Variants in SDK1 observed in about 807,000 individuals in gnomAD.
SDK1 encodes sidekick cell adhesion molecule 1.
A neutral mutation model predicts 245.5 loss-of-function variants in SDK1; 157 were observed. The ratio of observed to expected loss-of-function variants is 0.64; its 90% confidence interval spans 0.56 to 0.73. SDK1 has a LOEUF of 0.73. Among genes scored for constraint, SDK1 ranks in the 30% least tolerant of loss-of-function variants. The pLI, the probability that SDK1 is intolerant of heterozygous loss-of-function variation, is 0.00. For synonymous variants in SDK1, 1,647 were observed against 1,278.5 expected (o/e 1.29, Z -6.15); for missense variants, 3,583 against 3,002.3 (o/e 1.19, Z -4.52).
At chr7:3,605,275 A>G (rs1433792652) in intron 1 of SDK1, among the ~76,000 whole-genome samples, 2 of 152,254 alleles carry the variant, frequency 1.3e-5, no homozygotes, top group African/African-American at 4.8e-5. Context: ...TTAGGCTGTC[A>G]GGAAGTTTTT....
chr7:3,762,099 A>G (rs1379466172), intron 4 of SDK1, among the ~76,000 whole-genome samples: 1 of 152,232 alleles, frequency 6.6e-6, no homozygotes, highest in East Asian at 1.9e-4. Context: ...TTTACACTGA[A>G]TGATTCAGGA....
In SDK1 at chr7:3,319,878, C is replaced by CTTTTTTTTTTTTTTTTTTTTTTTTTTTT. The variant is rs57770805; in HGVS notation, c.298+18011_298+18012insTTTTTTTTTTTTTTTTTTTTTTTTTTTT. On this transcript the variant is annotated intron_variant, in intron 1 of 44. Coordinates refer to ENST00000404826, the MANE Select transcript of SDK1 (RefSeq NM_152744.4). ...TGCCTATATCTAACCCATTCTTAGT[C>CTTTTTTTTTTTTTTTTTTTTTTTTTTTT]TTTTTTTTTTTTTTTTTGCATTTGC... Among the ~76,000 whole-genome samples, 121 of 88,100 alleles carry CTTTTTTTTTTTTTTTTTTTTTTTTTTTT rather than the reference C, an allele frequency of 1.4e-3. 15 individuals are homozygous for CTTTTTTTTTTTTTTTTTTTTTTTTTTTT. Among genetic ancestry groups the CTTTTTTTTTTTTTTTTTTTTTTTTTTTT allele is most frequent in the African/African-American group, 1.8e-3 (40 of 21,732 alleles). The allele number at this position is 88,100 out of a possible 152,430, so 57.8% of individuals were successfully genotyped here. A position where few individuals can be genotyped will look rare whatever the true frequency, so the allele number is the denominator to read the frequency against.
chr7:3,484,164 C>T (rs947137332), intron 1 of SDK1, among the ~76,000 whole-genome samples: 19 of 152,156 alleles, frequency 1.2e-4, no homozygotes, highest in Non-Finnish European at 2.5e-4. Context: ...GAAGCATGCT[C>T]CAGTCCACAG....
chr7:3,811,526 A>G (rs948437485), intron 4 of SDK1, among the ~76,000 whole-genome samples: 2 of 152,214 alleles, frequency 1.3e-5, no homozygotes, highest in South Asian at 2.1e-4. Flanking sequence ...CTGAGCTCAC[A>G]TCTTCTTTGG....
chr7:3,449,966 G>A (rs1266765249), intron 1 of SDK1, among the ~76,000 whole-genome samples: 1 of 152,214 alleles, frequency 6.6e-6, no homozygotes, highest in Non-Finnish European at 1.5e-5. Flanking sequence ...AAATCAGACT[G>A]GCTGTTGGGG....
At chr7:4,203,616 A>G (rs116402519) in intron 35 of SDK1, among the ~76,000 whole-genome samples, 5,108 of 152,208 alleles carry the variant, frequency 0.034, 105 homozygotes, top group South Asian at 0.045. Context: ...ACGAACGACA[A>G]TCAGATGCTC....
At chr7:3,914,568 G>T (rs1042287898) in intron 5 of SDK1, among the ~76,000 whole-genome samples, 2 of 152,294 alleles carry the variant, frequency 1.3e-5, no homozygotes, top group East Asian at 1.9e-4. Context: ...TAAAAAGCAC[G>T]CTGAAACCAT....
At chr7:3,934,663 C>G (rs1334486351) in intron 5 of SDK1, among the ~76,000 whole-genome samples, 1 of 152,244 alleles carries the variant, frequency 6.6e-6, no homozygotes, top group Non-Finnish European at 1.5e-5. Flanking sequence ...TATCACGTGC[C>G]TTCCAGGAAT....
chr7:3,367,625 G>C (rs1423524361), intron 1 of SDK1, among the ~76,000 whole-genome samples: 1 of 152,168 alleles, frequency 6.6e-6, no homozygotes, highest in African/African-American at 2.4e-5. Context: ...CATAGTCTGT[G>C]GACAGATTTG....
chr7:4,085,903 G>T (rs1029196499), intron 22 of SDK1, among the ~76,000 whole-genome samples: 4 of 152,042 alleles, frequency 2.6e-5, no homozygotes, highest in Admixed American at 2.0e-4. Context: ...TAATTCTTGA[G>T]GATATAACTC....
intron 22 of SDK1, among the ~76,000 whole-genome samples, chr7:4,080,167 C>A (rs962095078): frequency 5.3e-5 from 8 of 151,958 alleles, no homozygotes; most frequent in Non-Finnish European, 1.2e-4. Flanking sequence ...GGGAGCAAGC[C>A]CTGCGGTGGC....
chr7:4,199,959 G>T (rs1427906361), intron 35 of SDK1, among the ~76,000 whole-genome samples: 1 of 152,166 alleles, frequency 6.6e-6, no homozygotes, highest in Non-Finnish European at 1.5e-5. Flanking sequence ...GCCGGGTGTG[G>T]TGGCGGGCAC....
chr7:3,395,893 T>G (rs1221397130), intron 1 of SDK1, among the ~76,000 whole-genome samples: 1 of 151,696 alleles, frequency 6.6e-6, no homozygotes, highest in Non-Finnish European at 1.5e-5. Flanking sequence ...GGTTTGCCAA[T>G]TTTGTTTTTA....
intron 4 of SDK1, among the ~76,000 whole-genome samples, chr7:3,701,946 G>C (rs541376521): frequency 8.5e-6 from 1 of 118,168 alleles, no homozygotes; most frequent in Non-Finnish European, 1.8e-5. Flanking sequence ...AAAAAAAAAA[G>C]AAAAAAGAAA....
chr7:3,881,684 C>G (rs910407586), intron 5 of SDK1, among the ~76,000 whole-genome samples: 1 of 152,188 alleles, frequency 6.6e-6, no homozygotes, highest in Admixed American at 6.5e-5. Flanking sequence ...GGAATTACCA[C>G]ACTGTCTTCT....
intron 1 of SDK1, among the ~76,000 whole-genome samples, chr7:3,562,245 A>G (rs1453220379): frequency 1.3e-5 from 2 of 152,250 alleles, no homozygotes; most frequent in Non-Finnish European, 2.9e-5. Context: ...GTTTCCAAAA[A>G]TAACCTGCCA....
At chr7:3,339,530 T>C (rs963055423) in intron 1 of SDK1, among the ~76,000 whole-genome samples, 1 of 152,002 alleles carries the variant, frequency 6.6e-6, no homozygotes, top group African/African-American at 2.4e-5. Context: ...TTCTGGGCTA[T>C]AAAATAAAAA....
At chr7:3,475,023 T>A (rs1051060730) in intron 1 of SDK1, among the ~76,000 whole-genome samples, 1 of 152,174 alleles carries the variant, frequency 6.6e-6, no homozygotes, top group Non-Finnish European at 1.5e-5. Flanking sequence ...CTGATACCCC[T>A]GCATTCACTT....
chr7:4,192,451 A>G (rs1048619926), intron 35 of SDK1, among the ~76,000 whole-genome samples: 11 of 152,012 alleles, frequency 7.2e-5, no homozygotes, highest in Admixed American at 5.9e-4. Flanking sequence ...AATTCCTTGT[A>G]TTTTTAGTAG....
Sources: allele counts gnomAD v4.1 joint callset (sites outside exome capture counted in the v4.1 genomes callset), GRCh38; gene constraint gnomAD v4.1.1; transcripts MANE v1.5; gene names NCBI Gene and HGNC (gene_info 2026-07-23, HGNC 2026-07-21).